The following TDRD10 variants were observed in gnomAD, a reference collection of about 807,000 sequenced individuals.
TDRD10 encodes the protein tudor domain-containing protein 10.
Under a neutral mutation model 48.0 loss-of-function variants are expected in TDRD10, and 40 were observed. The ratio of observed to expected loss-of-function variants is 0.83; its 90% CI spans 0.65 to 1.09. The LOEUF is 1.09. Ranked by LOEUF, TDRD10 falls within the 50% of genes least tolerant of loss-of-function variation. The probability of loss-of-function intolerance (pLI) is 0.00; values close to 1 mark genes in which losing one functional copy is unlikely to be tolerated. For missense variants in TDRD10, 378 were observed against 434.7 expected (o/e 0.87, Z 1.16); for synonymous variants, 162 against 170.4 (o/e 0.95, Z 0.38).
chr1:154,523,204 CCTGGATTGT>C (rs1694150314), intron 6 of TDRD10, among the ~76,000 whole-genome samples: 1 of 152,198 alleles, frequency 6.6e-6, no homozygotes, highest in South Asian at 2.1e-4. Flanking sequence ...CTGCACCCCA[CCTGGATTGT>C]TGTGTCTTCC....
chr1:154,541,816 T>G (rs1695249139), intron 6 of TDRD10: 2 of 526,900 alleles, frequency 3.8e-6, no homozygotes, highest in East Asian at 6.5e-5. Flanking sequence ...CTGCCTTCCC[T>G]GCTTCTGATC....
intron 4 of TDRD10, among the ~76,000 whole-genome samples, chr1:154,514,506 G>A (rs1188443026): frequency 6.6e-6 from 1 of 152,176 alleles, no homozygotes; most frequent in African/African-American, 2.4e-5. Flanking sequence ...GAAGCATGGT[G>A]ATGGGCTTGT....
At chr1:154,511,102 A>G (rs1412437537) in intron 4 of TDRD10, among the ~76,000 whole-genome samples, 16 of 151,806 alleles carry the variant, frequency 1.1e-4, no homozygotes, top group Admixed American at 3.9e-4. Context: ...ATTTACCATT[A>G]ACTTTTTTGT....
chr1:154,547,806 G>C lies in TDRD10; in HGVS notation c.*96G>C. On this transcript the variant is annotated 3_prime_UTR_variant, in exon 13 of 13. Coordinates refer to ENST00000368482, the MANE Select transcript of TDRD10 (RefSeq NM_182499.4). ...TACCCCTTTCACTCTTGAGGCCTGG[G>C]AGGTGAAAAAGGCCAGACTGTGCCC... 6.6e-7 allele frequency: 1 copy of C among 1,516,978 alleles called. No individual in the cohort carries two copies. Among genetic ancestry groups the C allele is most frequent in the Non-Finnish European group, 9.1e-7 (1 of 1,097,808 alleles). 94.0% of individuals were successfully genotyped at this position (1,516,978 alleles called of 1,614,324 possible). A position where few individuals can be genotyped will look rare whatever the true frequency, so the allele number is the denominator to read the frequency against.
In TDRD10 at chr1:154,502,531, G is replaced by A. The variant is rs1201604103; in HGVS notation, c.-526G>A. On this transcript the variant is annotated 5_prime_UTR_variant, in exon 1 of 13. Transcript: ENST00000368482. ...GGGCGGCGGGGTGAGCGCCATGGCA[G>A]AGGCGGGTCGGGCTGCGAGCTCTGG... 1 of 152,352 alleles carries A rather than the reference G, an allele frequency of 6.6e-6. No homozygotes were observed. The highest frequency in any genetic ancestry group is 1.9e-4 in the East Asian group (1 of 5,144). 9.4% of individuals were successfully genotyped at this position (152,352 alleles called of 1,614,324 possible).
chr1:154,547,657 G>C (rs754415932), intron 12 of TDRD10, 21 bp from the exon 13 acceptor site: 2 of 1,614,194 alleles, frequency 1.2e-6, no homozygotes, highest in South Asian at 2.2e-5. Flanking sequence ...TTCCCACCAA[G>C]GCTTTGTCTT....
At chr1:154,535,062 G>A (rs1694846977) in intron 6 of TDRD10, among the ~76,000 whole-genome samples, 1 of 152,166 alleles carries the variant, frequency 6.6e-6, no homozygotes, top group South Asian at 2.1e-4. Flanking sequence ...TGGTGTGATT[G>A]AATTCTTCAG....
chr1:154,518,994 G>A (rs1410047823), intron 4 of TDRD10, among the ~76,000 whole-genome samples: 1 of 152,204 alleles, frequency 6.6e-6, no homozygotes. Flanking sequence ...TGAAGAGTCT[G>A]GAGTTCAAGT....
rs1693265365 is a variant in TDRD10, at chr1:154,508,368, T to G, written c.83-55T>G. 9 of 1,238,470 alleles carry G rather than the reference T, an allele frequency of 7.3e-6. No individual in the cohort carries two copies. In the South Asian group the frequency reaches 1.1e-4, roughly 15 times the overall value. 76.7% of individuals were successfully genotyped at this position (1,238,470 alleles called of 1,614,324 possible). A position where few individuals can be genotyped will look rare whatever the true frequency, so the allele number is the denominator to read the frequency against. ...TGTCTCTATCCTGTATTCTGACTCC[T>G]CTGAATCCTCTAACCGTATGTATGC... On this transcript the variant is annotated intron_variant, in intron 3 of 12. Transcript: ENST00000368482.
chr1:154,525,182 T>G (rs2149330728), intron 6 of TDRD10, among the ~76,000 whole-genome samples: 1 of 152,306 alleles, frequency 6.6e-6, no homozygotes, highest in Non-Finnish European at 1.5e-5. Flanking sequence ...TTGTCTAGTT[T>G]TAGAGTTGTT....
rs1695690937 is a variant in TDRD10 at position 154,547,784 on chromosome 1, C to G, written c.*74C>G. 6 of 1,577,964 alleles carry G rather than the reference C, an allele frequency of 3.8e-6. No individual in the cohort carries two copies. The South Asian group carries it at 5.5e-5, about 15-fold the overall frequency. On this transcript the variant is annotated 3_prime_UTR_variant, in exon 13 of 13. Transcript: ENST00000368482. ...GGCCACCTGCCCTGTCTTCTCGTAC[C>G]CCTTTCACTCTTGAGGCCTGGGAGG... is the stretch of plus-strand genomic sequence containing the variant.
At chr1:154,520,002 C>T (rs1003715131) in intron 4 of TDRD10, among the ~76,000 whole-genome samples, 2 of 152,242 alleles carry the variant, frequency 1.3e-5, no homozygotes, top group Admixed American at 1.3e-4. Flanking sequence ...CCTCCTTTCC[C>T]TCCAAATCTG....
At position 154,547,822 on chromosome 1, in the gene TDRD10, G is replaced by C; in HGVS notation, c.*112G>C. The stretch of plus-strand genomic sequence containing the variant: ...GAGGCCTGGGAGGTGAAAAAGGCCA[G>C]ACTGTGCCCAGGATTGATTCAATTT... On this transcript the variant is annotated 3_prime_UTR_variant, in exon 13 of 13. Transcript: ENST00000368482. The C allele has an allele frequency of 7.4e-7, 1 of 1,342,526 alleles. No homozygotes were observed. The highest frequency in any genetic ancestry group is 1.1e-6 in the Non-Finnish European group (1 of 943,970). 83.2% of individuals were successfully genotyped at this position (1,342,526 alleles called of 1,614,324 possible).
At chr1:154,547,563 G>GAC (rs1407342182) in intron 12 of TDRD10, 84 bp downstream of exon 12, 5 of 1,614,104 alleles carry the variant, frequency 3.1e-6, no homozygotes, top group Non-Finnish European at 3.4e-6. Context: ...CCTAGGCCTG[G>GAC]ACACAGTATT....
intron 5 of TDRD10, 39 bp from the exon 6 acceptor site, chr1:154,521,284 G>A: frequency 6.2e-7 from 1 of 1,608,316 alleles, no homozygotes. Context: ...CTTCTCTGGA[G>A]ATGTGCTCAA....
chr1:154,510,146 A>G (rs1693369509), intron 4 of TDRD10, among the ~76,000 whole-genome samples: 1 of 151,956 alleles, frequency 6.6e-6, no homozygotes, highest in South Asian at 2.1e-4. Flanking sequence ...GTTTACAGCT[A>G]TAATCCCAGT....
intron 6 of TDRD10, among the ~76,000 whole-genome samples, chr1:154,527,437 G>C (rs1694374848): frequency 6.6e-6 from 1 of 152,180 alleles, no homozygotes; most frequent in Non-Finnish European, 1.5e-5. Flanking sequence ...TATTCATGTA[G>C]AAAACTGTGA....
intron 6 of TDRD10, among the ~76,000 whole-genome samples, chr1:154,530,398 C>CTT (rs111392341): frequency 8.3e-5 from 10 of 120,776 alleles, no homozygotes; most frequent in Non-Finnish European, 1.4e-4. Context: ...TGGTTTCCTT[C>CTT]TTTTTTTTTT....
At chr1:154,514,323 A>C (rs72698169) in intron 4 of TDRD10, among the ~76,000 whole-genome samples, 21,760 of 152,236 alleles carry the variant, frequency 0.14, 2,251 homozygotes, top group East Asian at 0.4. Flanking sequence ...ACCTGTTGAT[A>C]GTAAGACATT....
Sources: gnomAD v4.1 joint callset for allele counts (sites outside exome capture counted in the v4.1 genomes callset) on GRCh38, gnomAD v4.1.1 for gene constraint, MANE v1.5 for transcripts, NCBI Gene and HGNC (gene_info 2026-07-23, HGNC 2026-07-21) for gene names.